The following ITGBL1 variants were observed in gnomAD, a reference collection of about 807,000 sequenced individuals.
ITGBL1 encodes integrin beta-like protein 1.
In ITGBL1, 51 loss-of-function variants were observed where a neutral mutation model predicts 68.5. That is an observed-to-expected ratio of 0.74 (90% CI 0.59 to 0.94). The LOEUF is 0.94. ITGBL1 is among the 40% of genes least tolerant of loss of function. ITGBL1 has a pLI of 0.00. For missense variants in ITGBL1, 649 were observed against 647.4 expected (o/e 1.00, Z -0.03); for synonymous variants, 209 against 227.3 (o/e 0.92, Z 0.72).
rs561118237 is a variant in ITGBL1, at chr13:101,569,826, T to C, written c.463+1981T>C. 3.3e-5 allele frequency among the ~76,000 whole-genome samples: 5 copies of C among 152,316 alleles called. No homozygotes were observed. The South Asian group carries it at 1.0e-3, about 32-fold the overall frequency. On this transcript the variant is annotated intron_variant, in intron 3 of 10. Coordinates refer to ENST00000376180, the MANE Select transcript of ITGBL1 (RefSeq NM_004791.3). ...GAAGCACATGATGTCCATCTGCTCA[T>C]ATTGGTGATGTCAGTTTTGATGAGC... is the stretch of plus-strand genomic sequence containing the variant.
At chr13:101,453,792 T>A (rs2048196534) in intron 1 of ITGBL1, 91 bp from the exon 2 acceptor site, 2 of 820,890 alleles carry the variant, frequency 2.4e-6, no homozygotes, top group Non-Finnish European at 3.2e-6. Context: ...CGTCTGCACC[T>A]GGAGGGGACA....
intron 7 of ITGBL1, among the ~76,000 whole-genome samples, chr13:101,627,628 C>G (rs1038046441): frequency 6.6e-6 from 1 of 152,190 alleles, no homozygotes; most frequent in African/African-American, 2.4e-5. Flanking sequence ...ACCCCTCTCT[C>G]CCTACAACCC....
chr13:101,591,306 C>T (rs140279131), intron 6 of ITGBL1, among the ~76,000 whole-genome samples: 8 of 152,176 alleles, frequency 5.3e-5, no homozygotes, highest in African/African-American at 1.9e-4. Context: ...AATTCCCATA[C>T]TGTAAAGTCT....
chr13:101,620,147 A>G (rs951084361), intron 7 of ITGBL1, among the ~76,000 whole-genome samples: 5 of 152,104 alleles, frequency 3.3e-5, no homozygotes, highest in East Asian at 1.9e-4. Context: ...TTGTTTTACT[A>G]TTTTTACATT....
chr13:101,652,760 T>C (rs2032790261), intron 7 of ITGBL1, among the ~76,000 whole-genome samples: 1 of 151,986 alleles, frequency 6.6e-6, no homozygotes, highest in Non-Finnish European at 1.5e-5. Context: ...GAGAAGGAAA[T>C]AGACGCACCA....
intron 4 of ITGBL1, among the ~76,000 whole-genome samples, chr13:101,577,709 C>T (rs1380290078): frequency 6.6e-6 from 1 of 152,026 alleles, no homozygotes; most frequent in Non-Finnish European, 1.5e-5. Flanking sequence ...AAACCTGACT[C>T]CTAAGAAAAG....
At chr13:101,514,908 C>G (rs2049171088) in intron 2 of ITGBL1, among the ~76,000 whole-genome samples, 1 of 151,982 alleles carries the variant, frequency 6.6e-6, no homozygotes, top group Admixed American at 6.6e-5. Flanking sequence ...ATATTGGCCA[C>G]CAGAGGGCTC....
At chr13:101,720,106 T>G (rs1484436976), downstream of ITGBL1, 1 of 152,118 alleles carries the variant, frequency 6.6e-6, no homozygotes, top group African/African-American at 2.4e-5. Flanking sequence ...ATTTAACAAA[T>G]GATATTAAAC....
intron 2 of ITGBL1, among the ~76,000 whole-genome samples, chr13:101,553,463 C>T (rs2049953698): frequency 6.6e-6 from 1 of 152,086 alleles, no homozygotes; most frequent in African/African-American, 2.4e-5. Context: ...AAATGATATA[C>T]CTTCATTTTC....
chr13:101,708,302 G>T (rs1172161665), intron 9 of ITGBL1, among the ~76,000 whole-genome samples: 3 of 152,146 alleles, frequency 2.0e-5, no homozygotes, highest in African/African-American at 7.2e-5. Context: ...GCGCTTCAAA[G>T]AAACTGAAGT....
At chr13:101,503,148 A>G (rs2048971805) in intron 2 of ITGBL1, among the ~76,000 whole-genome samples, 1 of 152,192 alleles carries the variant, frequency 6.6e-6, no homozygotes, top group Admixed American at 6.5e-5. Context: ...AAGTCCTCCA[A>G]GTTTTCCTAT....
At chr13:101,633,374 G>A (rs913268351) in intron 7 of ITGBL1, among the ~76,000 whole-genome samples, 10 of 152,120 alleles carry the variant, frequency 6.6e-5, no homozygotes, top group African/African-American at 1.2e-4. Context: ...TTGACCTGGC[G>A]TTGACAATTT....
chr13:101,518,697 G>A (rs558265104), intron 2 of ITGBL1, among the ~76,000 whole-genome samples: 1 of 152,104 alleles, frequency 6.6e-6, no homozygotes, highest in African/African-American at 2.4e-5. Context: ...ATGTAATTCT[G>A]CCATACAAAG....
intron 2 of ITGBL1, among the ~76,000 whole-genome samples, chr13:101,543,860 G>A (rs1012435520): frequency 6.6e-6 from 1 of 152,148 alleles, no homozygotes; most frequent in Admixed American, 6.5e-5. Flanking sequence ...ACTGAGGCTT[G>A]TGCATTTGTC....
intron 2 of ITGBL1, among the ~76,000 whole-genome samples, chr13:101,493,626 T>C (rs1050176587): frequency 7.2e-5 from 11 of 152,176 alleles, no homozygotes; most frequent in Admixed American, 7.2e-4. Flanking sequence ...CCTGCCAATA[T>C]ATTTTCCACA....
At chr13:101,631,232 T>C (rs1352245886) in intron 7 of ITGBL1, among the ~76,000 whole-genome samples, 2 of 152,186 alleles carry the variant, frequency 1.3e-5, no homozygotes, top group African/African-American at 4.8e-5. Flanking sequence ...TATGTCGTCT[T>C]ATAGTTAGTA....
chr13:101,521,291 T>G (rs929965509), intron 2 of ITGBL1, among the ~76,000 whole-genome samples: 1 of 152,198 alleles, frequency 6.6e-6, no homozygotes, highest in African/African-American at 2.4e-5. Flanking sequence ...GACGAAAATC[T>G]CTGCTTACAT....
intron 2 of ITGBL1, among the ~76,000 whole-genome samples, chr13:101,494,341 G>T (rs974143169): frequency 1.3e-5 from 2 of 152,126 alleles, no homozygotes; most frequent in African/African-American, 4.8e-5. Context: ...TCTTCAGATT[G>T]TATTTATGAT....
intron 2 of ITGBL1, among the ~76,000 whole-genome samples, chr13:101,472,632 C>T (rs931498847): frequency 6.6e-6 from 1 of 152,088 alleles, no homozygotes; most frequent in Non-Finnish European, 1.5e-5. Flanking sequence ...TGTTAGCTCT[C>T]ACACAGGCAT....
Sources: gnomAD v4.1 joint callset for allele counts (sites outside exome capture counted in the v4.1 genomes callset) on GRCh38, gnomAD v4.1.1 for gene constraint, MANE v1.5 for transcripts, NCBI Gene and HGNC (gene_info 2026-07-23, HGNC 2026-07-21) for gene names.